The following GK variants were observed in gnomAD, a reference collection of about 807,000 sequenced individuals.
GK encodes ATP:glycerol 3-phosphotransferase.
GK carries 9 observed loss-of-function variants against 56.4 expected under a neutral mutation model. The ratio of observed to expected loss-of-function variants is 0.16; its 90% CI spans 0.10 to 0.28. The LOEUF is 0.28. GK is among the 10% of genes least tolerant of loss of function. The pLI is 1.00. For missense variants in GK, 161 were observed against 431.4 expected (o/e 0.37, Z 5.55); for synonymous variants, 104 against 144.1 (o/e 0.72, Z 1.99).
intron 19 of GK, among the ~76,000 whole-genome samples, chrX:30,726,033 C>T (rs187934613): frequency 5.4e-5 from 6 of 110,745 alleles, no homozygotes; most frequent in Admixed American, 9.7e-5. Flanking sequence ...TCCTCACTAG[C>T]GGTTGAGGAT....
Position 30,730,965 on chromosome X carries a change from G to A in GK, c.*2223G>A, listed in dbSNP as rs927582231. The A allele has an allele frequency of 4.5e-5, 5 of 111,598 alleles. No individual in the cohort carries two copies. Among genetic ancestry groups the A allele is most frequent in the East Asian group, 2.8e-4 (1 of 3,580 alleles). 9.2% of individuals were successfully genotyped at this position (111,598 alleles called of 1,213,427 possible). ...CATCTCAGCATTTGCAAAAAATAAT[G>A]TTGGTAAGGTCAGCAGCCATTATCA... On this transcript the variant is annotated 3_prime_UTR_variant, in exon 21 of 21. Coordinates refer to ENST00000427190, the MANE Select transcript of GK (RefSeq NM_001205019.2).
chrX:30,686,722 T>G (rs1934636524), intron 4 of GK, among the ~76,000 whole-genome samples: 1 of 110,893 alleles, frequency 9.0e-6, no homozygotes, highest in Non-Finnish European at 1.9e-5. Flanking sequence ...CTCTTCAAAC[T>G]TTTTTTTTCC....
chrX:30,697,283 T>C (rs749224426), intron 8 of GK, among the ~76,000 whole-genome samples: 1 of 112,092 alleles, frequency 8.9e-6, no homozygotes, highest in African/African-American at 3.2e-5. Context: ...TGAAAACCTC[T>C]AGGAGGATTT....
At chrX:30,711,556 G>A (rs772277788) in intron 13 of GK, among the ~76,000 whole-genome samples, 88 of 111,290 alleles carry the variant, frequency 7.9e-4, no homozygotes, top group Admixed American at 3.0e-3. Flanking sequence ...GCTATTGGAT[G>A]AATATTGGAA....
chrX:30,662,087 A>C lies in GK; in HGVS notation c.79-3424A>C, dbSNP rs1056241084. Reference sequence around the variant, plus strand: ...GAACTTCATGTCCAGTACAATAGCCACTGGCCACATGTGGCTACTGATTAC... The same window carrying C: ...GAACTTCATGTCCAGTACAATAGCCCCTGGCCACATGTGGCTACTGATTAC... On this transcript the variant is annotated intron_variant, in intron 1 of 20. Coordinates refer to ENST00000427190, the MANE Select transcript of GK (RefSeq NM_001205019.2). 4.5e-5 allele frequency among the ~76,000 whole-genome samples: 5 copies of C among 112,044 alleles called. No individual in the cohort carries two copies. The Admixed American group carries it at 4.8e-4, about 11-fold the overall frequency.
At position 30,712,717 on chromosome X, in the gene GK, C is replaced by CTTTTTTTTTTT. The variant is rs769269247; in HGVS notation, c.975+4598_975+4608dup. On this transcript the variant is annotated intron_variant, in intron 13 of 20. Transcript: ENST00000427190. ...GTTTGTTGGATTTCTTTTTTCTTTTCTTTTTTTTTTTTTTTTTTTTTTTTT... is the reference window on the plus strand; with the variant it reads ...GTTTGTTGGATTTCTTTTTTCTTTTCTTTTTTTTTTTTTTTTTTTTTTTTTTTTTTTTTTTT... 9.7e-4 allele frequency among the ~76,000 whole-genome samples: 47 copies of CTTTTTTTTTTT among 48,403 alleles called. 1 individual carries two copies. Among genetic ancestry groups the CTTTTTTTTTTT allele is most frequent in the African/African-American group, 2.3e-3 (24 of 10,274 alleles). The allele number at this position is 48,403 out of a possible 115,157, so 42.0% of individuals were successfully genotyped here.
intron 4 of GK, among the ~76,000 whole-genome samples, chrX:30,681,036 A>T (rs922123495): frequency 1.8e-5 from 2 of 111,822 alleles, no homozygotes; most frequent in Non-Finnish European, 3.8e-5. Context: ...AGACAACATC[A>T]TCTAGAGCCT....
intron 3 of GK, chrX:30,672,241 T>C (rs754787203): frequency 9.3e-6 from 1 of 106,995 alleles, no homozygotes; most frequent in South Asian, 4.0e-4. Flanking sequence ...TCTTTCAAAA[T>C]TGAGAGCATA....
intron 18 of GK, among the ~76,000 whole-genome samples, chrX:30,723,121 C>T (rs1307278631): frequency 1.8e-5 from 2 of 111,972 alleles, no homozygotes; most frequent in East Asian, 2.8e-4. Context: ...TCCTGCGGGG[C>T]GTGGTGGCTC....
chrX:30,658,319 G>GTT (rs370352556), intron 1 of GK, among the ~76,000 whole-genome samples: 10 of 104,724 alleles, frequency 9.5e-5, no homozygotes, highest in African/African-American at 2.1e-4. Context: ...GATTCTTTTT[G>GTT]TTTTTTTTTT....
At position 30,672,172 on chromosome X, in the gene GK, A is replaced by AAG. The variant is rs1933568601; in HGVS notation, c.259+4055_259+4056insGA. ...AAAACTCCATCTCAAAAAAAAAAAA[A>AAG]AAAAAAAAAAAAGAGTTACATATTC... On this transcript the variant is annotated intron_variant, in intron 3 of 20. Transcript: ENST00000427190. 1.8e-5 allele frequency: 2 copies of AAG among 108,174 alleles called. 1 individual carries two copies. Among genetic ancestry groups the AAG allele is most frequent in the African/African-American group, 6.7e-5 (2 of 29,802 alleles). The allele number at this position is 108,174 out of a possible 1,213,427, so 8.9% of individuals were successfully genotyped here. A position where few individuals can be genotyped will look rare whatever the true frequency, so the allele number is the denominator to read the frequency against.
chrX:30,709,648 T>G (rs1442227349), intron 13 of GK, among the ~76,000 whole-genome samples: 1 of 111,594 alleles, frequency 9.0e-6, no homozygotes, highest in Non-Finnish European at 1.9e-5. Flanking sequence ...GGATGATTTG[T>G]GCCTCTCCTA....
At chrX:30,706,285 C>T (rs1936000717) in intron 11 of GK, among the ~76,000 whole-genome samples, 1 of 111,920 alleles carries the variant, frequency 8.9e-6, no homozygotes, top group African/African-American at 3.3e-5. Context: ...AAACAATTTC[C>T]CTTGGTTTTG....
chrX:30,673,643 T>C (rs1177414189), intron 3 of GK, among the ~76,000 whole-genome samples: 7 of 111,605 alleles, frequency 6.3e-5, no homozygotes, highest in African/African-American at 2.0e-4. Flanking sequence ...GCAATTTTAC[T>C]TGGCATGAAG....
chrX:30,684,973 G>A (rs917247517), intron 4 of GK, among the ~76,000 whole-genome samples: 1 of 111,294 alleles, frequency 9.0e-6, no homozygotes, highest in East Asian at 2.8e-4. Flanking sequence ...AAACCTATGT[G>A]ATCATGAGTT....
intron 4 of GK, among the ~76,000 whole-genome samples, chrX:30,690,713 A>G (rs1010453946): frequency 8.9e-6 from 1 of 111,829 alleles, no homozygotes. Context: ...GTTAAGATGC[A>G]CACTTTATAT....
intron 1 of GK, among the ~76,000 whole-genome samples, chrX:30,660,651 T>C (rs749223784): frequency 2.7e-5 from 3 of 110,313 alleles, no homozygotes; most frequent in East Asian, 5.7e-4. Flanking sequence ...AAGTGTCAAA[T>C]AGCTGATGTG....
intron 13 of GK, among the ~76,000 whole-genome samples, chrX:30,716,645 C>T (rs1016030600): frequency 8.9e-6 from 1 of 111,935 alleles, no homozygotes; most frequent in African/African-American, 3.2e-5. Flanking sequence ...TAGTATTTGG[C>T]AGCTGCTATC....
chrX:30,654,971 T>C (rs924111405), intron 1 of GK, among the ~76,000 whole-genome samples: 1 of 111,934 alleles, frequency 8.9e-6, no homozygotes, highest in African/African-American at 3.2e-5. Context: ...ATACATACAA[T>C]GTATATATTT....
Sources: allele counts gnomAD v4.1 joint callset (sites outside exome capture counted in the v4.1 genomes callset), GRCh38; gene constraint gnomAD v4.1.1; transcripts MANE v1.5; gene names NCBI Gene and HGNC (gene_info 2026-07-23, HGNC 2026-07-21).